The following SHANK2 variants were observed in gnomAD, a reference collection of about 807,000 sequenced individuals.
SHANK2 encodes SH3 and multiple ankyrin repeat domains 2, also known as SH3 and multiple ankyrin repeat domains protein 2.
Under a neutral mutation model 133.7 loss-of-function variants are expected in SHANK2, and 43 were observed. That is an observed-to-expected ratio of 0.32 (90% CI 0.25 to 0.41). SHANK2 has a LOEUF of 0.41. SHANK2 is among the 10% of genes least tolerant of loss of function. The pLI, the probability that SHANK2 is intolerant of heterozygous loss-of-function variation, is 1.00. For synonymous variants in SHANK2, 1,017 were observed against 952.8 expected, an observed-to-expected ratio of 1.07 and a Z score of -1.24; for missense variants, 1,994 against 2,235.8, an observed-to-expected ratio of 0.89 and a Z score of 2.18.
chr11:70,950,046 C>T, intron 10 of SHANK2: 1 of 456,698 alleles, frequency 2.2e-6, no homozygotes, highest in Non-Finnish European at 4.4e-6. Flanking sequence ...GGCGGAAAGA[C>T]AAGGCAGTTG....
At chr11:70,898,493 T>A (rs558516903) in intron 10 of SHANK2, among the ~76,000 whole-genome samples, 1 of 152,130 alleles carries the variant, frequency 6.6e-6, no homozygotes, top group East Asian at 1.9e-4. Flanking sequence ...AGATATCAGA[T>A]GGAGATGAAG....
At chr11:70,774,849 G>A (rs202060152) in intron 14 of SHANK2, among the ~76,000 whole-genome samples, 2 of 152,100 alleles carry the variant, frequency 1.3e-5, no homozygotes, top group Admixed American at 6.5e-5. Flanking sequence ...CTAAACAGGC[G>A]AGGGTTAACC....
chr11:70,739,839 G>A lies in SHANK2; in HGVS notation c.1778-41076C>T, dbSNP rs1172409850. On this transcript the variant is annotated intron_variant, in intron 14 of 25. Coordinates refer to ENST00000601538, the MANE Select transcript of SHANK2 (RefSeq NM_012309.5). The surrounding 1 kb of genome is among the most constrained non-coding windows in gnomAD (Gnocchi z 4.3). ...AGACAAGGAGAGCCAGACACACGAG[G>A]CACCAGGGAGGCACCCACAGAGGAC... is the stretch of plus-strand genomic sequence containing the variant. Among the ~76,000 whole-genome samples the A allele has an allele frequency of 6.6e-6, 1 of 152,238 alleles. No individual in the cohort carries two copies. Among genetic ancestry groups the A allele is most frequent in the African/African-American group, 2.4e-5 (1 of 41,462 alleles).
intron 15 of SHANK2, among the ~76,000 whole-genome samples, chr11:70,692,687 C>A (rs1315138220): frequency 6.6e-6 from 1 of 152,206 alleles, no homozygotes; most frequent in Non-Finnish European, 1.5e-5. Flanking sequence ...CACACTCTAT[C>A]AATTTCCTGC....
chr11:71,079,763 A>G (rs1951268425), intron 8 of SHANK2, among the ~76,000 whole-genome samples: 1 of 148,612 alleles, frequency 6.7e-6, no homozygotes. Context: ...CCGAGAAAAG[A>G]GAGAAAGAAA....
intron 14 of SHANK2, among the ~76,000 whole-genome samples, chr11:70,796,052 A>G (rs1027118493): frequency 2.0e-5 from 3 of 152,128 alleles, no homozygotes; most frequent in Non-Finnish European, 4.4e-5. Context: ...CTCCCACAGT[A>G]AACACAAACA....
At position 70,780,973 on chromosome 11, in the gene SHANK2, G is replaced by A. The variant is rs731615; in HGVS notation, c.1777+17470C>T. On this transcript the variant is annotated intron_variant, in intron 14 of 25. Transcript: ENST00000601538. The stretch of plus-strand genomic sequence containing the variant: ...TTTCCCTCTTAACAGTGACCTACAC[G>A]TTACTAAGTCAGAGAGATTTTGAAC... Among the ~76,000 whole-genome samples the A allele has an allele frequency of 8.7e-3, 1,331 of 152,198 alleles. 81 individuals are homozygous for A. The highest frequency in any genetic ancestry group is 0.082 in the Admixed American group (1,248 of 15,284).
At chr11:70,549,087 T>A (rs10793137) in intron 17 of SHANK2, among the ~76,000 whole-genome samples, 13 of 151,976 alleles carry the variant, frequency 8.6e-5, no homozygotes, top group Non-Finnish European at 1.6e-4. Flanking sequence ...ACAGGGTCTG[T>A]GGGACGCTGT....
chr11:70,546,685 G>T (rs891944886), intron 17 of SHANK2, among the ~76,000 whole-genome samples: 1 of 151,684 alleles, frequency 6.6e-6, no homozygotes, highest in Non-Finnish European at 1.5e-5. Flanking sequence ...TGGTGGGAGG[G>T]TGTCCACTGC....
intron 1 of SHANK2, among the ~76,000 whole-genome samples, chr11:71,251,797 G>A (rs1037940303): frequency 6.6e-6 from 1 of 151,264 alleles, no homozygotes; most frequent in South Asian, 2.1e-4. Flanking sequence ...CAGGCGCGCC[G>A]GCCCCGGCCT....
chr11:70,729,907 A>T (rs1357673920), intron 14 of SHANK2, among the ~76,000 whole-genome samples: 1 of 151,574 alleles, frequency 6.6e-6, no homozygotes, highest in Non-Finnish European at 1.5e-5. Context: ...TACTAAAAAA[A>T]AAAAAAAAAA....
chr11:70,665,022 G>A (rs1235792696), intron 15 of SHANK2, among the ~76,000 whole-genome samples: 1 of 152,124 alleles, frequency 6.6e-6, no homozygotes, highest in Non-Finnish European at 1.5e-5. Flanking sequence ...GTTACAAGTG[G>A]GATCCCTGTC....
At chr11:71,075,026 C>T (rs1951200660) in intron 9 of SHANK2, 133 bp downstream of exon 9, 1 of 152,624 alleles carries the variant, frequency 6.6e-6, no homozygotes, top group African/African-American at 2.5e-5. Context: ...GATCCGCCCG[C>T]CTCAGCCTCC....
At position 70,866,628 on chromosome 11, in the gene SHANK2, G is replaced by A. The variant is rs77580278; in HGVS notation, c.1174+29873C>T. 6.5e-3 allele frequency among the ~76,000 whole-genome samples: 994 copies of A among 152,240 alleles called. 14 individuals carry two copies. Among genetic ancestry groups the A allele is most frequent in the African/African-American group, 0.023 (963 of 41,526 alleles). ...ATCCGAGGAGAGCAATTTACAAGGAGTAAGGATAAAATCTAAAGTCCTATC... is the reference window on the plus strand; with the variant it reads ...ATCCGAGGAGAGCAATTTACAAGGAATAAGGATAAAATCTAAAGTCCTATC... On this transcript the variant is annotated intron_variant, in intron 11 of 25. Coordinates refer to ENST00000601538, the MANE Select transcript of SHANK2 (RefSeq NM_012309.5).
intron 14 of SHANK2, among the ~76,000 whole-genome samples, chr11:70,720,437 G>A (rs1946050852): frequency 1.3e-5 from 2 of 152,214 alleles, no homozygotes; most frequent in Non-Finnish European, 1.5e-5. Context: ...GGCATTCTTG[G>A]CCCTGTGACT....
chr11:70,776,394 G>T (rs1266518089), intron 14 of SHANK2, among the ~76,000 whole-genome samples: 1 of 152,154 alleles, frequency 6.6e-6, no homozygotes. Context: ...CAGTGCATCT[G>T]GGTTGGCTGA....
Position 71,107,412 on chromosome 11 carries a change from C to T in SHANK2, c.592+2529G>A, listed in dbSNP as rs548937785. Among the ~76,000 whole-genome samples, 42 of 152,264 alleles carry T rather than the reference C, an allele frequency of 2.8e-4. 1 individual carries two copies. The highest frequency in any genetic ancestry group is 9.1e-4 in the African/African-American group (38 of 41,542). The stretch of plus-strand genomic sequence containing the variant: ...GCCACTTATCGGGGACCTGATGACA[C>T]CAGGGGTTCCTCTGTCTTCTCTGGG... On this transcript the variant is annotated intron_variant, in intron 6 of 25. Transcript: ENST00000601538.
chr11:70,843,658 C>A (rs1454812045), intron 11 of SHANK2, among the ~76,000 whole-genome samples: 3 of 151,836 alleles, frequency 2.0e-5, no homozygotes, highest in Non-Finnish European at 4.4e-5. Context: ...AGGCCCCAGC[C>A]CTGCGACACC....
chr11:70,766,720 G>C (rs551650708), intron 14 of SHANK2, among the ~76,000 whole-genome samples: 2 of 152,100 alleles, frequency 1.3e-5, no homozygotes, highest in Non-Finnish European at 2.9e-5. Flanking sequence ...ATTGCTCCTC[G>C]CTTGTTAAAA....
Sources: allele counts gnomAD v4.1 joint callset (sites outside exome capture counted in the v4.1 genomes callset), GRCh38; gene constraint gnomAD v4.1.1; non-coding constraint Gnocchi (gnomAD v3.1); transcripts MANE v1.5; gene names NCBI Gene and HGNC (gene_info 2026-07-23, HGNC 2026-07-21).